SCHIP1: variants seen among roughly 807,000 people sequenced by gnomAD.
SCHIP1 encodes the protein schwannomin interacting protein 1.
In SCHIP1, 8 loss-of-function variants were observed where a neutral mutation model predicts 29.7. The observed-to-expected ratio is 0.27, with a 90% CI of 0.16 to 0.49. The LOEUF (loss-of-function observed/expected upper bound fraction) is 0.49, where lower values mean the gene tolerates loss of function less well. Among genes scored for constraint, SCHIP1 ranks in the 20% least tolerant of loss-of-function variants. SCHIP1 has a pLI of 0.99. For synonymous variants in SCHIP1, 76 were observed against 94.9 expected (o/e 0.80, Z 1.16); for missense variants, 193 against 294.6 (o/e 0.66, Z 2.52).
the SCHIP1 span, among the ~76,000 whole-genome samples, chr3:159,426,366 C>G: frequency 1.3e-5 from 2 of 152,118 alleles, no homozygotes; most frequent in African/African-American, 4.8e-5. Flanking sequence ...CCACCGATCC[C>G]ACAGACATAC....
At chr3:159,535,763 T>C in the SCHIP1 span, among the ~76,000 whole-genome samples, 8 of 152,230 alleles carry the variant, frequency 5.3e-5, no homozygotes, top group Admixed American at 5.2e-4. Context: ...AAAGGCCACA[T>C]AGTAAACATT....
the SCHIP1 span, among the ~76,000 whole-genome samples, chr3:159,517,884 A>G: frequency 6.6e-6 from 1 of 152,166 alleles, no homozygotes; most frequent in Non-Finnish European, 1.5e-5. Context: ...AAAAAGACTT[A>G]GTAAGTGTAG....
the SCHIP1 span, among the ~76,000 whole-genome samples, chr3:159,331,249 C>G: frequency 6.6e-6 from 1 of 152,156 alleles, no homozygotes; most frequent in Non-Finnish European, 1.5e-5. Context: ...AATTAACCTC[C>G]CCCAGAGGGA....
At chr3:159,377,478 G>A in the SCHIP1 span, among the ~76,000 whole-genome samples, 2 of 152,172 alleles carry the variant, frequency 1.3e-5, no homozygotes, top group Non-Finnish European at 2.9e-5. Flanking sequence ...AAATTAAATA[G>A]GAAGAAGAGG....
the SCHIP1 span, among the ~76,000 whole-genome samples, chr3:159,599,506 G>T: frequency 2.6e-5 from 4 of 152,054 alleles, no homozygotes; most frequent in African/African-American, 9.7e-5. Flanking sequence ...GCAATGTTTG[G>T]TTTTCCATTC....
the SCHIP1 span, among the ~76,000 whole-genome samples, chr3:159,500,246 G>A: frequency 0.024 from 3,711 of 152,088 alleles, 160 homozygotes; most frequent in African/African-American, 0.085. Context: ...AGAAAACACT[G>A]TTTTCCCCTG....
At chr3:159,711,966 C>CTGCTGG in the SCHIP1 span, among the ~76,000 whole-genome samples, 1 of 152,178 alleles carries the variant, frequency 6.6e-6, no homozygotes, top group Non-Finnish European at 1.5e-5. Context: ...GCTGCTGCTG[C>CTGCTGG]TGCTGGTTCC....
the SCHIP1 span, among the ~76,000 whole-genome samples, chr3:159,573,274 G>C: frequency 6.6e-6 from 1 of 152,278 alleles, no homozygotes; most frequent in African/African-American, 2.4e-5. Flanking sequence ...CATGTTTAGT[G>C]CTTCCTTCAA....
intron 2 of SCHIP1, among the ~76,000 whole-genome samples, chr3:159,869,802 A>G (rs1217491083): frequency 2.6e-5 from 4 of 151,922 alleles, no homozygotes; most frequent in African/African-American, 9.7e-5. Flanking sequence ...AGGAAGCATT[A>G]CATTTTCTCA....
chr3:159,535,959 A>G, the SCHIP1 span, among the ~76,000 whole-genome samples: 1 of 152,208 alleles, frequency 6.6e-6, no homozygotes, highest in Non-Finnish European at 1.5e-5. Flanking sequence ...AGAGCTGGCT[A>G]TGCAGCATGG....
the SCHIP1 span, among the ~76,000 whole-genome samples, chr3:159,482,144 T>C: frequency 6.6e-6 from 1 of 152,166 alleles, no homozygotes; most frequent in African/African-American, 2.4e-5. Context: ...CATCTTGATG[T>C]TATTTCAGAA....
chr3:159,375,784 G>T, the SCHIP1 span: 1 of 883,650 alleles, frequency 1.1e-6, no homozygotes, highest in Non-Finnish European at 1.4e-6. Flanking sequence ...TTAAAACTAG[G>T]ATGGGTTTTT....
At chr3:159,842,677 A>G (rs1198857848) in intron 1 of SCHIP1, among the ~76,000 whole-genome samples, 2 of 151,548 alleles carry the variant, frequency 1.3e-5, no homozygotes, top group African/African-American at 4.9e-5. Context: ...TGCACCTGCT[A>G]TTCCTTCTGC....
the SCHIP1 span, among the ~76,000 whole-genome samples, chr3:159,518,347 ATT>A: frequency 7.2e-5 from 11 of 152,214 alleles, no homozygotes; most frequent in Middle Eastern, 3.4e-3. Context: ...TTTAATGGTT[ATT>A]TTTATGTTTG....
chr3:159,797,226 A>G, the SCHIP1 span, among the ~76,000 whole-genome samples: 2 of 152,244 alleles, frequency 1.3e-5, no homozygotes, highest in African/African-American at 4.8e-5. Context: ...AACAGTATCT[A>G]GCACATCACT....
At chr3:159,532,521 TTTATCTTTATCC>T in the SCHIP1 span, among the ~76,000 whole-genome samples, 58 of 152,368 alleles carry the variant, frequency 3.8e-4, 1 homozygote, top group African/African-American at 1.3e-3. Context: ...AAAATTTGTT[TTTATCTTTATCC>T]TTAATTTTTT....
At chr3:159,798,822 C>T in the SCHIP1 span, among the ~76,000 whole-genome samples, 1 of 152,138 alleles carries the variant, frequency 6.6e-6, no homozygotes, top group Admixed American at 6.5e-5. Flanking sequence ...GCTTATTTTT[C>T]CAGAGGCTTG....
chr3:159,351,403 T>G, the SCHIP1 span, among the ~76,000 whole-genome samples: 51 of 152,268 alleles, frequency 3.3e-4, no homozygotes, highest in African/African-American at 1.2e-3. Context: ...TACCTCCCAC[T>G]TATTCTTGCA....
At chr3:159,344,214 A>G in the SCHIP1 span, among the ~76,000 whole-genome samples, 36,267 of 151,404 alleles carry the variant, frequency 0.24, 4,684 homozygotes, top group African/African-American at 0.33. Flanking sequence ...CCAGCTACTC[A>G]GAAGGCTGAG....
Sources: allele counts gnomAD v4.1 joint callset (sites outside exome capture counted in the v4.1 genomes callset), GRCh38; gene constraint gnomAD v4.1.1; transcripts MANE v1.5; gene names NCBI Gene and HGNC (gene_info 2026-07-23, HGNC 2026-07-21).